Variants in DOCK7 observed in about 807,000 individuals in gnomAD.
The protein encoded by DOCK7 is dedicator of cytokinesis 7, also known as dedicator of cytokinesis protein 7.
DOCK7 carries 138 observed loss-of-function variants against 271.0 expected under a neutral mutation model. That is an observed-to-expected ratio of 0.51 (90% CI 0.44 to 0.59). The LOEUF (loss-of-function observed/expected upper bound fraction) is 0.59. DOCK7 is among the 20% of genes least tolerant of loss of function. The pLI, the probability that DOCK7 is intolerant of heterozygous loss-of-function variation, is 0.00. For missense variants in DOCK7, 2,066 were observed against 2,592.4 expected, an observed-to-expected ratio of 0.80 and a Z score of 4.41; for synonymous variants, 823 against 876.1, an observed-to-expected ratio of 0.94 and a Z score of 1.07.
intron 31 of DOCK7, among the ~76,000 whole-genome samples, chr1:62,527,235 T>C (rs192609328): frequency 7.2e-5 from 11 of 152,254 alleles, no homozygotes; most frequent in Admixed American, 5.9e-4. Context: ...TTCAGGGGCA[T>C]AGTAAATATC....
intron 35 of DOCK7, 109 bp from the exon 36 acceptor site, chr1:62,505,925 A>G: frequency 9.5e-7 from 1 of 1,051,124 alleles, no homozygotes; most frequent in South Asian, 2.2e-5. Context: ...GTATAAGTAA[A>G]GTTTTAAAAG....
chr1:62,455,638 A>G (rs1645326089), intron 49 of DOCK7, among the ~76,000 whole-genome samples, 182 bp from the exon 50 acceptor site: 4 of 152,178 alleles, frequency 2.6e-5, no homozygotes, highest in African/African-American at 7.2e-5. Flanking sequence ...AGATTTAGCT[A>G]TAGAAGTGTA....
chr1:62,620,087 A>AG, intron 12 of DOCK7, 94 bp from the exon 13 acceptor site: 2 of 900,202 alleles, frequency 2.2e-6, no homozygotes, highest in Non-Finnish European at 3.4e-6. Flanking sequence ...TGGGAGGCTG[A>AG]GGCGGGCGGA....
chr1:62,475,804 C>T lies in DOCK7; in HGVS notation c.5864G>A (p.Gly1955Glu). 6.2e-7 allele frequency: 1 copy of T among 1,614,036 alleles called. No individual in the cohort carries two copies. The highest frequency in any genetic ancestry group is 8.5e-7 in the Non-Finnish European group (1 of 1,179,938). Residue 1955 changes from glycine (G) to glutamate (E), a missense_variant, in exon 46 of 50, where the codon GGG (glycine) becomes GAG (glutamate). Around this residue, in one of 2 missense-constraint regions of DOCK7, gnomAD observed 652 missense variants for 922.1 expected, o/e 0.71. Coordinates refer to ENST00000635253, the MANE Select transcript of DOCK7 (RefSeq NM_001367561.1). ...CCTTTTGAATTGTTCATGAAGTTCC[C>T]CATGGGCACGGCCATCTAAAGTAAA... ...TPFTLDGRAH[G>E]ELHEQFKRKT...
intron 18 of DOCK7, among the ~76,000 whole-genome samples, chr1:62,575,192 C>G (rs1381474785): frequency 1.3e-5 from 2 of 152,138 alleles, no homozygotes; most frequent in South Asian, 4.1e-4. Context: ...GCATCCTGCT[C>G]TGGAAATATT....
At chr1:62,598,111 T>C in intron 14 of DOCK7, 1 of 1,481,142 alleles carries the variant, frequency 6.8e-7, no homozygotes, top group Non-Finnish European at 9.0e-7. Context: ...ATGTGGATCT[T>C]TTAAAAAAAA....
chr1:62,643,553 C>A (rs866229899), intron 7 of DOCK7, among the ~76,000 whole-genome samples: 1 of 152,074 alleles, frequency 6.6e-6, no homozygotes, highest in African/African-American at 2.4e-5. Context: ...AATACAGTTT[C>A]TTGGTTTTGT....
chr1:62,510,148 G>C (rs1644441222), intron 34 of DOCK7, among the ~76,000 whole-genome samples: 1 of 152,208 alleles, frequency 6.6e-6, no homozygotes, highest in Admixed American at 6.5e-5. Flanking sequence ...AGTAGGATCA[G>C]TCAATGTATC....
rs529847848 is a variant in DOCK7, at chr1:62,674,001, G to A, written c.39-10871C>T. Among the ~76,000 whole-genome samples the A allele has an allele frequency of 2.8e-3, 421 of 152,076 alleles. 1 individual carries two copies. The highest frequency in any genetic ancestry group is 4.3e-3 in the Non-Finnish European group (292 of 67,974). On this transcript the variant is annotated intron_variant, in intron 1 of 49. Coordinates refer to ENST00000635253, the MANE Select transcript of DOCK7 (RefSeq NM_001367561.1). ...GGATTAAAGGCATTTTGATTGGAAAGGAAGAAATAAAACTGTCTTTACTCA... is the reference window on the plus strand; with the variant it reads ...GGATTAAAGGCATTTTGATTGGAAAAGAAGAAATAAAACTGTCTTTACTCA...
chr1:62,587,940 G>T (rs1291612186), intron 14 of DOCK7, among the ~76,000 whole-genome samples: 1 of 152,090 alleles, frequency 6.6e-6, no homozygotes, highest in Non-Finnish European at 1.5e-5. Context: ...CAATTTTACA[G>T]TGAAAATATA....
intron 18 of DOCK7, among the ~76,000 whole-genome samples, chr1:62,570,055 C>T (rs565334745): frequency 6.6e-6 from 1 of 152,002 alleles, no homozygotes; most frequent in Non-Finnish European, 1.5e-5. Flanking sequence ...TTGGCCAGGG[C>T]AATCAGACAA....
intron 18 of DOCK7, among the ~76,000 whole-genome samples, chr1:62,573,160 T>C (rs1045840134): frequency 1.3e-5 from 2 of 152,194 alleles, no homozygotes; most frequent in African/African-American, 4.8e-5. Flanking sequence ...GAAATGCTGC[T>C]GTGTCTACAA....
At chr1:62,631,437 T>G (rs1481645198) in intron 10 of DOCK7, 32 bp from the exon 11 acceptor site, 1 of 1,525,340 alleles carries the variant, frequency 6.6e-7, no homozygotes, top group Admixed American at 2.1e-5. Flanking sequence ...ATTATATGAT[T>G]ATACTTGAAA....
At chr1:62,678,777 A>G (rs896684242) in intron 1 of DOCK7, among the ~76,000 whole-genome samples, 2 of 152,178 alleles carry the variant, frequency 1.3e-5, no homozygotes, top group Admixed American at 1.3e-4. Flanking sequence ...TAATTTGTAA[A>G]AAAAATACTG....
intron 48 of DOCK7, among the ~76,000 whole-genome samples, chr1:62,467,321 T>C (rs1236136016): frequency 1.3e-5 from 2 of 152,216 alleles, no homozygotes; most frequent in Admixed American, 6.5e-5. Flanking sequence ...GATATGGATC[T>C]TGGAGAAATT....
chr1:62,491,695 C>T (rs1232217118), intron 41 of DOCK7, among the ~76,000 whole-genome samples: 1 of 152,180 alleles, frequency 6.6e-6, no homozygotes, highest in Non-Finnish European at 1.5e-5. Context: ...CAATGCCCAT[C>T]ATACTGGAAA....
intron 14 of DOCK7, chr1:62,609,278 C>G (rs1651440026): frequency 1.3e-5 from 2 of 152,072 alleles, no homozygotes; most frequent in African/African-American, 4.8e-5. Context: ...CTTAAGAATT[C>G]TATCTAAAAT....
chr1:62,555,881 G>C lies in DOCK7; in HGVS notation c.2540C>G (p.Ser847Ter). Reference sequence around the variant, plus strand: ...TAGGCGGAAAACATAATGAATATATGATGCAAGAAGGCTGTTTCTGCCATG... The same window carrying C: ...TAGGCGGAAAACATAATGAATATATCATGCAAGAAGGCTGTTTCTGCCATG... The part of the protein sequence containing the change: ...DQHGRNSLLA[S>*]YIHYVFRLPN... Residue 847 changes from serine (S) to a stop codon, truncating the protein, a stop_gained, in exon 21 of 50, where the codon TCA becomes TGA. Transcript: ENST00000635253. LOFTEE classifies it high-confidence loss of function. The C allele has an allele frequency of 6.2e-7, 1 of 1,613,876 alleles. No individual in the cohort carries two copies. Among genetic ancestry groups the C allele is most frequent in the Non-Finnish European group, 8.5e-7 (1 of 1,179,910 alleles).
chr1:62,476,317 G>T, intron 44 of DOCK7, 161 bp from the exon 45 acceptor site: 1 of 530,088 alleles, frequency 1.9e-6, no homozygotes, highest in Non-Finnish European at 3.3e-6. Flanking sequence ...AATTATACTA[G>T]CTTATAAATT....
Sources: allele counts gnomAD v4.1 joint callset (sites outside exome capture counted in the v4.1 genomes callset), GRCh38; gene constraint gnomAD v4.1.1; regional missense constraint gnomAD v4.1.1; transcripts MANE v1.5; gene names NCBI Gene and HGNC (gene_info 2026-07-23, HGNC 2026-07-21).